MTMR1: variants seen among roughly 807,000 people sequenced by gnomAD.
MTMR1 encodes myotubularin related protein 1, also known as phosphatidylinositol-3-phosphate phosphatase MTMR1.
MTMR1 carries 17 observed loss-of-function variants against 51.6 expected under a neutral mutation model. That is an observed-to-expected ratio of 0.33 (90% confidence interval 0.23 to 0.49). MTMR1 has a LOEUF of 0.49. MTMR1 is among the 20% of genes least tolerant of loss of function. The pLI is 0.99. For synonymous variants in MTMR1, 201 were observed against 205.6 expected, an observed-to-expected ratio of 0.98 and a Z score of 0.19; for missense variants, 386 against 526.9, an observed-to-expected ratio of 0.73 and a Z score of 2.62.
Position 150,763,910 on chromosome X carries a change from A to G in MTMR1, c.*1181A>G, listed in dbSNP as rs1294740056. 3 of 112,326 alleles carry G rather than the reference A, an allele frequency of 2.7e-5. No individual in the cohort carries two copies. Among genetic ancestry groups the G allele is most frequent in the African/African-American group, 9.7e-5 (3 of 30,952 alleles). The allele number at this position is 112,326 out of a possible 1,213,427, so 9.3% of individuals were successfully genotyped here. On this transcript the variant is annotated 3_prime_UTR_variant, in exon 16 of 16. Transcript: ENST00000445323. ...CTCGCAGGAATTAACTAACTTACCA[A>G]TTGGTTCAATCCACTTGAGCGCCAT... is the stretch of plus-strand genomic sequence containing the variant.
At chrX:150,695,445 C>T (rs186840762) in intron 1 of MTMR1, among the ~76,000 whole-genome samples, 9 of 111,792 alleles carry the variant, frequency 8.1e-5, no homozygotes, top group Admixed American at 5.6e-4. Flanking sequence ...CAGAGTGGAG[C>T]GGAGGAGGGG....
intron 15 of MTMR1, among the ~76,000 whole-genome samples, chrX:150,761,053 G>A (rs1003668925): frequency 5.4e-5 from 6 of 111,607 alleles, no homozygotes; most frequent in Non-Finnish European, 1.1e-4. Context: ...TGTCAGTGGT[G>A]TATTTCCCTG....
chrX:150,702,192 G>A (rs1557415966), intron 2 of MTMR1, among the ~76,000 whole-genome samples: 1 of 108,143 alleles, frequency 9.2e-6, no homozygotes, highest in Admixed American at 9.9e-5. Context: ...AAAATGCTGG[G>A]ATTAGAGGTG....
chrX:150,758,928 C>G (rs983878243), intron 15 of MTMR1, among the ~76,000 whole-genome samples: 7 of 112,585 alleles, frequency 6.2e-5, no homozygotes, highest in African/African-American at 1.9e-4. Context: ...GAATCCTTCC[C>G]CAGATGAGAA....
At chrX:150,743,107 A>G (rs1483840360) in intron 12 of MTMR1, among the ~76,000 whole-genome samples, 1 of 111,216 alleles carries the variant, frequency 9.0e-6, no homozygotes, top group Non-Finnish European at 1.9e-5. Flanking sequence ...GACACTTAAA[A>G]ATGGTTAAGA....
intron 15 of MTMR1, among the ~76,000 whole-genome samples, chrX:150,759,870 C>T (rs1377585220): frequency 1.8e-5 from 2 of 109,443 alleles, no homozygotes; most frequent in African/African-American, 6.5e-5. Flanking sequence ...AGGGAAGGGT[C>T]AGAGAAGCAG....
At chrX:150,703,248 G>A (rs1449579225) in intron 2 of MTMR1, among the ~76,000 whole-genome samples, 1 of 112,201 alleles carries the variant, frequency 8.9e-6, no homozygotes, top group Non-Finnish European at 1.9e-5. Context: ...AACAATATTG[G>A]TTAGCTTGTG....
At chrX:150,737,189 C>T in intron 11 of MTMR1, 53 bp from the exon 12 acceptor site, 1 of 1,100,786 alleles carries the variant, frequency 9.1e-7, no homozygotes. Context: ...CATTGTTTTA[C>T]ATTTAATTGA....
chrX:150,703,143 A>G (rs1186369985), intron 2 of MTMR1, among the ~76,000 whole-genome samples: 2 of 112,310 alleles, frequency 1.8e-5, no homozygotes, highest in African/African-American at 6.5e-5. Flanking sequence ...AAACATTTTT[A>G]GGAACTATTA....
chrX:150,761,890 G>T (rs1237701242), intron 15 of MTMR1, among the ~76,000 whole-genome samples: 1 of 112,275 alleles, frequency 8.9e-6, no homozygotes, highest in Admixed American at 9.4e-5. Context: ...AACCTTTCTT[G>T]TTTATATTCA....
intron 3 of MTMR1, among the ~76,000 whole-genome samples, chrX:150,716,433 A>T (rs1185928829): frequency 5.3e-5 from 6 of 112,780 alleles, no homozygotes; most frequent in Non-Finnish European, 1.1e-4. Context: ...TCCAAAACAG[A>T]TGTGAGTATA....
chrX:150,693,543 G>C lies in MTMR1; in HGVS notation c.13G>C (p.Ala5Pro), dbSNP rs2040550453. The C allele has an allele frequency of 2.9e-6, 2 of 693,205 alleles. No individual in the cohort carries two copies. Among genetic ancestry groups the C allele is most frequent in the Admixed American group, 8.8e-5 (1 of 11,350 alleles). The allele number at this position is 693,205 out of a possible 1,213,427, so 57.1% of individuals were successfully genotyped here. A position where few individuals can be genotyped will look rare whatever the true frequency, so the allele number is the denominator to read the frequency against. Residue 5 changes from alanine (A) to proline (P), a missense_variant, in exon 1 of 16, where the codon GCG becomes CCG. Transcript: ENST00000445323. MDRPAAAAAAGCEGG... is the reference protein window; with the variant it reads MDRPPAAAAAGCEGG... ...GACTCGGCGCGCCATGGACAGGCCG[G>C]CGGCGGCGGCGGCGGCGGGCTGCGA...
intron 15 of MTMR1, among the ~76,000 whole-genome samples, chrX:150,758,863 CTTG>C (rs1213263890): frequency 1.8e-5 from 2 of 111,699 alleles, no homozygotes; most frequent in Non-Finnish European, 3.8e-5. Context: ...CATGTCCCTG[CTTG>C]TTATTAATTG....
At chrX:150,723,720 C>G (rs932622352) in intron 4 of MTMR1, among the ~76,000 whole-genome samples, 1 of 111,935 alleles carries the variant, frequency 8.9e-6, no homozygotes, top group East Asian at 2.8e-4. Flanking sequence ...CTGATCCTCT[C>G]CCTCCTCCCA....
rs562669428 is a variant in MTMR1 at position 150,740,990 on chromosome X, T to A, written c.1474-3371T>A. Among the ~76,000 whole-genome samples, 3 of 111,607 alleles carry A rather than the reference T, an allele frequency of 2.7e-5. No homozygotes were observed. In the South Asian group the frequency reaches 1.1e-3, roughly 42 times the overall value. On this transcript the variant is annotated intron_variant, in intron 12 of 15. Transcript: ENST00000445323. Reference sequence around the variant, plus strand: ...CACCCCCATGACCCAACACCTCCCATTAGGCTCCACCTCCAACATTGGGGA... The same window carrying A: ...CACCCCCATGACCCAACACCTCCCAATAGGCTCCACCTCCAACATTGGGGA...
Position 150,764,864 on chromosome X carries a change from G to T in MTMR1, c.*2135G>T, listed in dbSNP as rs2043249944. The T allele has an allele frequency of 8.9e-6, 1 of 112,280 alleles. No individual in the cohort carries two copies. Among genetic ancestry groups the T allele is most frequent in the South Asian group, 3.6e-4 (1 of 2,780 alleles). 9.3% of individuals were successfully genotyped at this position (112,280 alleles called of 1,213,427 possible). On this transcript the variant is annotated 3_prime_UTR_variant, in exon 16 of 16. Coordinates refer to ENST00000445323, the MANE Select transcript of MTMR1 (RefSeq NM_001306144.3). ...GGTTTTTAAAAACTGGTACAGTATTGTATTTGTCTCATCTGTTGCACTGTA... is the reference window on the plus strand; with the variant it reads ...GGTTTTTAAAAACTGGTACAGTATTTTATTTGTCTCATCTGTTGCACTGTA...
At chrX:150,759,523 C>T (rs781820669) in intron 15 of MTMR1, among the ~76,000 whole-genome samples, 1 of 100,432 alleles carries the variant, frequency 1.0e-5, no homozygotes, top group East Asian at 2.8e-4. Context: ...ACCCCTGCCA[C>T]GCTCCCCCTT....
chrX:150,730,644 G>A, intron 8 of MTMR1, 36 bp downstream of exon 8: 5 of 857,642 alleles, frequency 5.8e-6, no homozygotes, highest in Non-Finnish European at 8.0e-6. Context: ...AAAATAATAG[G>A]TTGAGCATCT....
At chrX:150,707,140 A>T (rs1356461753) in intron 2 of MTMR1, among the ~76,000 whole-genome samples, 1 of 112,310 alleles carries the variant, frequency 8.9e-6, no homozygotes, top group Admixed American at 9.4e-5. Context: ...ACTTAAAAAT[A>T]TAAAACTTTT....
Sources: allele counts gnomAD v4.1 joint callset (sites outside exome capture counted in the v4.1 genomes callset), GRCh38; gene constraint gnomAD v4.1.1; transcripts MANE v1.5; gene names NCBI Gene and HGNC (gene_info 2026-07-23, HGNC 2026-07-21).